TET3: variants seen among roughly 807,000 people sequenced by gnomAD.
TET3 encodes tet methylcytosine dioxygenase 3.
TET3 carries 19 observed loss-of-function variants against 141.4 expected under a neutral mutation model. The observed-to-expected ratio is 0.13, with a 90% CI of 0.09 to 0.20. The LOEUF is 0.20. Among genes scored for constraint, TET3 ranks in the 10% least tolerant of loss-of-function variants. The pLI, the probability that TET3 is intolerant of heterozygous loss-of-function variation, is 1.00. For synonymous variants in TET3, 1,043 were observed against 980.9 expected (o/e 1.06, Z -1.18); for missense variants, 1,874 against 2,356.9 (o/e 0.80, Z 4.24).
At chr2:74,029,101 T>C (rs1019695740) in intron 3 of TET3, among the ~76,000 whole-genome samples, 11 of 152,304 alleles carry the variant, frequency 7.2e-5, no homozygotes, top group Non-Finnish European at 1.5e-4. Context: ...TCTCCTCCAA[T>C]CTTGAAAGGG....
rs367958795 is a variant in TET3, at chr2:74,069,745, C to T, written c.2495-3804C>T. 5.3e-5 allele frequency among the ~76,000 whole-genome samples: 8 copies of T among 152,178 alleles called. No individual in the cohort carries two copies. The East Asian group carries it at 1.4e-3, about 26-fold the overall frequency. On this transcript the variant is annotated intron_variant, in intron 4 of 11. Coordinates refer to ENST00000409262, the MANE Select transcript of TET3 (RefSeq NM_001287491.2). The stretch of plus-strand genomic sequence containing the variant: ...GGGACTATAGGCACATACCAACAAG[C>T]CTGGCTAGGTTTTTATTGTTGTTAT...
chr2:74,003,186 G>A lies in TET3; in HGVS notation c.360+20G>A, dbSNP rs1361215817. The A allele has an allele frequency of 8.1e-7, 1 of 1,232,264 alleles. No individual in the cohort carries two copies. The highest frequency in any genetic ancestry group is 1.3e-5 in the South Asian group (1 of 76,410). The allele number at this position is 1,232,264 out of a possible 1,614,324, so 76.3% of individuals were successfully genotyped here. Reference sequence around the variant, plus strand: ...GTCAAGGTACCTTGTGTGTGTGCGTGCGTGTGTGTGCGTGTGTGTGGTGGC... The same window carrying A: ...GTCAAGGTACCTTGTGTGTGTGCGTACGTGTGTGTGCGTGTGTGTGGTGGC... On this transcript the variant is annotated intron_variant, in intron 3 of 11. Transcript: ENST00000409262.
chr2:74,050,590 C>T (rs575052597), intron 4 of TET3, among the ~76,000 whole-genome samples: 9 of 152,200 alleles, frequency 5.9e-5, no homozygotes, highest in East Asian at 5.8e-4. Flanking sequence ...CACTCTGTTG[C>T]GGGGGCTGGA....
chr2:74,024,393 G>A (rs764185586), intron 3 of TET3, among the ~76,000 whole-genome samples: 27 of 152,188 alleles, frequency 1.8e-4, no homozygotes, highest in Non-Finnish European at 3.1e-4. Context: ...GGTCTTGGGA[G>A]GAGAGAGGGT....
chr2:74,100,332 A>C, intron 11 of TET3, 61 bp from the exon 12 acceptor site: 3 of 1,515,522 alleles, frequency 2.0e-6, no homozygotes, highest in South Asian at 2.5e-5. Flanking sequence ...TCCCCGACCC[A>C]GGGCCTCTCC....
the TET3 span, among the ~76,000 whole-genome samples, chr2:74,117,406 T>TA: frequency 6.6e-6 from 1 of 152,138 alleles, no homozygotes; most frequent in African/African-American, 2.4e-5. Context: ...GACAAGGTCT[T>TA]ACTTTCTCCC....
At chr2:73,995,876 T>G (rs1349579103) in intron 2 of TET3, among the ~76,000 whole-genome samples, 1 of 152,182 alleles carries the variant, frequency 6.6e-6, no homozygotes, top group Non-Finnish European at 1.5e-5. Context: ...TGGACAGAAC[T>G]TTCCTGGATT....
At chr2:74,134,484 A>T in the TET3 span, 1 of 303,286 alleles carries the variant, frequency 3.3e-6, no homozygotes, top group South Asian at 2.9e-5. Context: ...CAAGGTTGTT[A>T]TATCTTCATG....
At chr2:74,041,148 G>T (rs1028011972) in intron 3 of TET3, among the ~76,000 whole-genome samples, 1 of 152,144 alleles carries the variant, frequency 6.6e-6, no homozygotes, top group African/African-American at 2.4e-5. Context: ...ACTGGTTTCA[G>T]TGCATTTTCT....
At position 74,048,093 on chromosome 2, in the gene TET3, G is replaced by A. The variant is rs745473212; in HGVS notation, c.2176G>A (p.Gly726Ser). Residue 726 changes from glycine (G) to serine (S), a missense_variant, in exon 4 of 12, where the codon GGC (glycine) becomes AGC (serine). Coordinates refer to ENST00000409262, the MANE Select transcript of TET3 (RefSeq NM_001287491.2). ...ATTTGGAGATAGCTTTGGGCTTCCC[G>A]GCCCCCCTTCTGTGCCCATTCAGGA... ...AEFGDSFGLP[G>S]PPSVPIQDPE... 40 of 1,613,216 alleles carry A rather than the reference G, an allele frequency of 2.5e-5. No individual in the cohort carries two copies. Among genetic ancestry groups the A allele is most frequent in the Non-Finnish European group, 3.2e-5 (38 of 1,179,644 alleles).
At chr2:74,061,658 A>G (rs1688583551) in intron 4 of TET3, among the ~76,000 whole-genome samples, 1 of 144,628 alleles carries the variant, frequency 6.9e-6, no homozygotes, top group African/African-American at 2.6e-5. Context: ...CTCACTTCCC[A>G]GACGGGGTGG....
At chr2:74,096,047 C>G (rs367584274) in intron 10 of TET3, among the ~76,000 whole-genome samples, 2 of 152,288 alleles carry the variant, frequency 1.3e-5, no homozygotes, top group Non-Finnish European at 2.9e-5. Context: ...TTCATCTTTG[C>G]GACTATCCTA....
chr2:73,994,701 T>C (rs1337435476), intron 2 of TET3, among the ~76,000 whole-genome samples: 2 of 149,866 alleles, frequency 1.3e-5, no homozygotes, highest in African/African-American at 4.9e-5. Context: ...TGCAGTGGTA[T>C]GATCTCGGCT....
At chr2:74,018,048 ACCT>A (rs1177885942) in intron 3 of TET3, among the ~76,000 whole-genome samples, 3 of 144,360 alleles carry the variant, frequency 2.1e-5, no homozygotes, top group Non-Finnish European at 4.5e-5. Context: ...GCTCACTGCA[ACCT>A]CCTCCTCCCG....
chr2:74,112,853 T>A (rs1032019917), downstream of TET3, among the ~76,000 whole-genome samples: 1 of 150,958 alleles, frequency 6.6e-6, no homozygotes, highest in Non-Finnish European at 1.5e-5. Context: ...ATACAAAAAT[T>A]AGCTGGGCAA....
intron 2 of TET3, among the ~76,000 whole-genome samples, chr2:74,000,244 C>T (rs1684780302): frequency 1.3e-5 from 2 of 152,280 alleles, no homozygotes; most frequent in South Asian, 4.2e-4. Context: ...CTTCTCAGTG[C>T]CCAGCCCCCT....
At chr2:74,082,031 G>A (rs940898917) in intron 6 of TET3, among the ~76,000 whole-genome samples, 4 of 151,546 alleles carry the variant, frequency 2.6e-5, no homozygotes, top group Admixed American at 6.6e-5. Context: ...GACGTCAGCC[G>A]TAGAGTGACA....
chr2:74,134,971 G>A, the TET3 span: 3 of 288,190 alleles, frequency 1.0e-5, no homozygotes, highest in South Asian at 9.4e-5. Context: ...ATATCTGCCT[G>A]TGCCTCAGCT....
chr2:74,016,094 G>C (rs747244061), intron 3 of TET3, among the ~76,000 whole-genome samples: 2 of 151,960 alleles, frequency 1.3e-5, no homozygotes, highest in African/African-American at 4.8e-5. Flanking sequence ...CAGGCTGGGC[G>C]TGGTGGCTCA....
Sources: gnomAD v4.1 joint callset for allele counts (sites outside exome capture counted in the v4.1 genomes callset) on GRCh38, gnomAD v4.1.1 for gene constraint, MANE v1.5 for transcripts, NCBI Gene and HGNC (gene_info 2026-07-23, HGNC 2026-07-21) for gene names.